Variants in MND1 observed in about 807,000 individuals in gnomAD.
The protein encoded by MND1 is meiotic nuclear divisions 1.
MND1 carries 28 observed loss-of-function variants against 35.1 expected under a neutral mutation model. The observed-to-expected ratio is 0.80, with a 90% CI of 0.59 to 1.09. The LOEUF (loss-of-function observed/expected upper bound fraction) is 1.09. Among genes scored for constraint, MND1 ranks in the 50% least tolerant of loss-of-function variants. MND1 has a pLI of 0.00. For missense variants in MND1, 213 were observed against 239.6 expected (o/e 0.89, Z 0.73); for synonymous variants, 69 against 70.5 (o/e 0.98, Z 0.11).
chr4:153,365,336 ACTC>A (rs1773608453), intron 4 of MND1, among the ~76,000 whole-genome samples: 1 of 152,144 alleles, frequency 6.6e-6, no homozygotes, highest in East Asian at 1.9e-4. Context: ...ATGATAGATA[ACTC>A]ATAAAATAAG....
chr4:153,378,756 A>G (rs1289773409), intron 4 of MND1, among the ~76,000 whole-genome samples: 1 of 152,220 alleles, frequency 6.6e-6, no homozygotes, highest in Admixed American at 6.5e-5. Context: ...GCTGTTGATA[A>G]CAACTGGTGT....
Position 153,393,026 on chromosome 4 carries a change from G to A in MND1, c.277-1236G>A, listed in dbSNP as rs116398126. The stretch of plus-strand genomic sequence containing the variant: ...TCCCAGCTACTGGGAGGTAGAGGTT[G>A]GAAGATGGCTTGAGCCTGGGAGGCA... On this transcript the variant is annotated intron_variant, in intron 4 of 7. Coordinates refer to ENST00000240488, the MANE Select transcript of MND1 (RefSeq NM_032117.4). Among the ~76,000 whole-genome samples, 648 of 152,238 alleles carry A rather than the reference G, an allele frequency of 4.3e-3. 3 individuals are homozygous for A. Among genetic ancestry groups the A allele is most frequent in the African/African-American group, 0.015 (612 of 41,540 alleles).
intron 2 of MND1, among the ~76,000 whole-genome samples, chr4:153,353,079 T>C (rs1228422108): frequency 1.3e-5 from 2 of 152,134 alleles, no homozygotes; most frequent in Admixed American, 6.5e-5. Flanking sequence ...ATTTAAAGTA[T>C]TTGCAAAGAG....
chr4:153,373,703 T>C (rs1180758022), intron 4 of MND1, among the ~76,000 whole-genome samples: 2 of 152,190 alleles, frequency 1.3e-5, no homozygotes, highest in Non-Finnish European at 2.9e-5. Context: ...GGCTAACACA[T>C]AGGTAGATCC....
intron 6 of MND1, among the ~76,000 whole-genome samples, chr4:153,401,628 A>G (rs969332489): frequency 6.6e-6 from 1 of 152,158 alleles, no homozygotes; most frequent in Non-Finnish European, 1.5e-5. Flanking sequence ...AGAACAGATT[A>G]TACTGGATTA....
chr4:153,381,690 ATATTTTTTTTTTTTTTT>A (rs1450510312), intron 4 of MND1: 757 of 27,186 alleles, frequency 0.028, 32 homozygotes, highest in African/African-American at 0.097. Flanking sequence ...ATATATATAT[ATATTTTTTTTTTTTTTT>A]TTTTTTTTTT....
At chr4:153,395,357 C>T (rs1729168944) in intron 5 of MND1, among the ~76,000 whole-genome samples, 1 of 152,158 alleles carries the variant, frequency 6.6e-6, no homozygotes. Flanking sequence ...CAGAAGTTGT[C>T]AGCCAGTCTA....
At chr4:153,361,862 AG>A (rs1306822812) in intron 4 of MND1, among the ~76,000 whole-genome samples, 2 of 152,020 alleles carry the variant, frequency 1.3e-5, no homozygotes, top group African/African-American at 4.8e-5. Context: ...GAAAATTCTA[AG>A]GTGGTATTAC....
At chr4:153,395,291 A>T (rs559547476) in intron 5 of MND1, among the ~76,000 whole-genome samples, 1 of 152,144 alleles carries the variant, frequency 6.6e-6, no homozygotes, top group South Asian at 2.1e-4. Context: ...TGTTTTTTTT[A>T]AACACTGGCA....
rs59112682 is a variant in MND1 at position 153,385,735 on chromosome 4, G to A, written c.277-8527G>A. ...TGTCTCAAAAAAAAAAAAAAAAAAA[G>A]AAAAGAAAATGGTAGAGCATGCTTC... On this transcript the variant is annotated intron_variant, in intron 4 of 7. Coordinates refer to ENST00000240488, the MANE Select transcript of MND1 (RefSeq NM_032117.4). 7.5e-3 allele frequency among the ~76,000 whole-genome samples: 982 copies of A among 130,582 alleles called. 3 individuals carry two copies. The highest frequency in any genetic ancestry group is 0.02 in the African/African-American group (683 of 34,552). 85.7% of individuals were successfully genotyped at this position (130,582 alleles called of 152,430 possible). A position where few individuals can be genotyped will look rare whatever the true frequency, so the allele number is the denominator to read the frequency against.
chr4:153,383,367 A>G (rs1728761409), intron 4 of MND1, among the ~76,000 whole-genome samples: 1 of 152,234 alleles, frequency 6.6e-6, no homozygotes, highest in African/African-American at 2.4e-5. Context: ...TGTTTTCTAC[A>G]TCATGTGGAT....
chr4:153,365,936 TG>T (rs1169179323), intron 4 of MND1, among the ~76,000 whole-genome samples: 4 of 150,794 alleles, frequency 2.7e-5, no homozygotes, highest in Admixed American at 2.6e-4. Flanking sequence ...AGTAAATTAG[TG>T]CAAACTTGGT....
intron 5 of MND1, among the ~76,000 whole-genome samples, chr4:153,394,750 T>C (rs985674757): frequency 3.3e-5 from 5 of 152,154 alleles, no homozygotes; most frequent in African/African-American, 9.7e-5. Flanking sequence ...TAAGACTCTT[T>C]TAAAAAAAAT....
intron 6 of MND1, 59 bp from the exon 7 acceptor site, chr4:153,408,912 G>GTGTGTATA (rs936713652): frequency 1.6e-5 from 5 of 318,424 alleles, no homozygotes; most frequent in African/African-American, 1.3e-4. Flanking sequence ...CATTTTGTGT[G>GTGTGTATA]TATATATATA....
chr4:153,407,246 C>G (rs560472008), intron 6 of MND1, among the ~76,000 whole-genome samples: 1 of 152,138 alleles, frequency 6.6e-6, no homozygotes, highest in Non-Finnish European at 1.5e-5. Context: ...GGCGGATCAC[C>G]TGAGGTTGGG....
chr4:153,411,434 A>G (rs1729682068), intron 7 of MND1, among the ~76,000 whole-genome samples: 1 of 152,234 alleles, frequency 6.6e-6, no homozygotes, highest in African/African-American at 2.4e-5. Context: ...ATTATTTGAC[A>G]GAGAATGAAC....
At chr4:153,383,910 C>G (rs1013570212) in intron 4 of MND1, among the ~76,000 whole-genome samples, 2 of 152,172 alleles carry the variant, frequency 1.3e-5, no homozygotes, top group African/African-American at 4.8e-5. Context: ...AATTAGTGGC[C>G]TCTGCAACTT....
intron 6 of MND1, 32 bp from the exon 7 acceptor site, chr4:153,408,938 AC>A: frequency 1.2e-6 from 1 of 817,296 alleles, no homozygotes; most frequent in Non-Finnish European, 1.7e-6. Flanking sequence ...ATATATAAAT[AC>A]ATTTCATTTT....
chr4:153,413,467 C>T (rs1350021856), intron 7 of MND1, among the ~76,000 whole-genome samples: 1 of 152,020 alleles, frequency 6.6e-6, no homozygotes, highest in East Asian at 1.9e-4. Context: ...ATTTCTTGGG[C>T]TTGGAGTTCA....
Sources: allele counts gnomAD v4.1 joint callset (sites outside exome capture counted in the v4.1 genomes callset), GRCh38; gene constraint gnomAD v4.1.1; transcripts MANE v1.5; gene names NCBI Gene and HGNC (gene_info 2026-07-23, HGNC 2026-07-21).